Variants in KIZ observed in about 807,000 individuals in gnomAD.
KIZ encodes centrosomal protein kizuna.
KIZ carries 68 observed loss-of-function variants against 79.6 expected under a neutral mutation model. The ratio of observed to expected loss-of-function variants is 0.85; its 90% CI spans 0.70 to 1.05. The LOEUF (loss-of-function observed/expected upper bound fraction) is 1.05. Ranked by LOEUF, KIZ falls within the 50% of genes least tolerant of loss-of-function variation. KIZ has a pLI of 0.00. For missense variants in KIZ, 797 were observed against 800.4 expected (o/e 1.00, Z 0.05); for synonymous variants, 280 against 281.8 (o/e 0.99, Z 0.06).
At chr20:21,226,842 CGGT>C (rs2036671640) in intron 9 of KIZ, among the ~76,000 whole-genome samples, 2 of 152,250 alleles carry the variant, frequency 1.3e-5, no homozygotes, top group African/African-American at 4.8e-5. Flanking sequence ...AGGTGGGCCT[CGGT>C]GACTCTCCTT....
At chr20:21,182,840 A>G (rs2034715901) in intron 6 of KIZ, among the ~76,000 whole-genome samples, 1 of 149,734 alleles carries the variant, frequency 6.7e-6, no homozygotes, top group Admixed American at 6.7e-5. Flanking sequence ...TAAATATTTT[A>G]GACTTCTTTT....
chr20:21,136,599 G>GTTTTT, intron 3 of KIZ, 47 bp downstream of exon 3: 1 of 1,035,778 alleles, frequency 9.7e-7, no homozygotes, highest in Non-Finnish European at 1.3e-6. Context: ...GTTGTTGTGT[G>GTTTTT]TTTTTTTTTT....
intron 7 of KIZ, among the ~76,000 whole-genome samples, chr20:21,209,695 A>G (rs1157055650): frequency 6.6e-6 from 1 of 152,286 alleles, no homozygotes; most frequent in Non-Finnish European, 1.5e-5. Flanking sequence ...TCCAAGAGGA[A>G]TACTCTTGAA....
intron 11 of KIZ, among the ~76,000 whole-genome samples, chr20:21,239,714 G>A (rs960559139): frequency 6.6e-6 from 1 of 152,136 alleles, no homozygotes; most frequent in African/African-American, 2.4e-5. Flanking sequence ...AATTGTTACT[G>A]TTTTCCATAG....
intron 4 of KIZ, among the ~76,000 whole-genome samples, chr20:21,153,240 T>A (rs2033209107): frequency 6.6e-6 from 1 of 152,226 alleles, no homozygotes; most frequent in South Asian, 2.1e-4. Flanking sequence ...ATTACCATTG[T>A]TGTTCTCCAC....
chr20:21,192,021 T>A (rs1022418183), intron 6 of KIZ, among the ~76,000 whole-genome samples: 1 of 151,500 alleles, frequency 6.6e-6, no homozygotes, highest in Non-Finnish European at 1.5e-5. Flanking sequence ...CGGGGAGGGG[T>A]ACACTGGGAT....
chr20:21,238,480 C>G (rs904949401), intron 11 of KIZ, among the ~76,000 whole-genome samples: 22 of 152,096 alleles, frequency 1.4e-4, no homozygotes, highest in African/African-American at 5.1e-4. Flanking sequence ...CTCATGCATC[C>G]CCAGTTTCAG....
intron 4 of KIZ, among the ~76,000 whole-genome samples, chr20:21,158,974 A>C (rs1028927972): frequency 1.0e-5 from 1 of 96,448 alleles, no homozygotes; most frequent in Non-Finnish European, 2.6e-5. Flanking sequence ...ATACATATAT[A>C]TACACATATA....
chr20:21,163,045 T>G lies in KIZ; in HGVS notation c.1238T>G (p.Leu413Ter). The G allele has an allele frequency of 1.9e-6, 3 of 1,613,802 alleles. No homozygotes were observed. The highest frequency in any genetic ancestry group is 8.5e-7 in the Non-Finnish European group (1 of 1,179,712). ...EGEDGIEALKLIHAEQERVAL... is the reference protein window; with the variant it reads ...EGEDGIEALK ...GAAGATGGAATAGAGGCCTTAAAAT[T>G]AATCCATGCTGAGCAAGAAAGAGTT... Residue 413 changes from leucine to a stop codon, truncating the protein, a stop_gained, in exon 6 of 13, where the codon TTA becomes TGA. Coordinates refer to ENST00000619189, the MANE Select transcript of KIZ (RefSeq NM_018474.6). LOFTEE classifies it high-confidence loss of function.
At chr20:21,133,540 C>T (rs958807224) in intron 2 of KIZ, among the ~76,000 whole-genome samples, 2 of 152,216 alleles carry the variant, frequency 1.3e-5, no homozygotes, top group Non-Finnish European at 2.9e-5. Flanking sequence ...GGCACTTTTA[C>T]CAAGCCGTCA....
intron 9 of KIZ, among the ~76,000 whole-genome samples, chr20:21,224,418 C>G (rs1485259160): frequency 6.6e-6 from 1 of 152,194 alleles, no homozygotes; most frequent in Non-Finnish European, 1.5e-5. Flanking sequence ...GCAGTGTCAG[C>G]AACACACCTA....
chr20:21,239,679 C>T (rs1187749173), intron 11 of KIZ, among the ~76,000 whole-genome samples: 1 of 152,138 alleles, frequency 6.6e-6, no homozygotes, highest in Non-Finnish European at 1.5e-5. Flanking sequence ...GCCTTTTGTT[C>T]ATATAAAATG....
chr20:21,207,182 T>TG (rs2035860082), intron 7 of KIZ, among the ~76,000 whole-genome samples: 1 of 152,224 alleles, frequency 6.6e-6, no homozygotes, highest in Admixed American at 6.5e-5. Flanking sequence ...GCCTGTGTCT[T>TG]GAAGTCACAT....
rs1353241230 is a variant in KIZ at position 21,162,408 on chromosome 20, A to G, written c.943A>G (p.Arg315Gly). Reference sequence around the variant, plus strand: ...GGAACATATTGAAGTTGAGGAAAAAAGAGCCAGCCCGCCAGTCTCTCCGAT... The same window carrying G: ...GGAACATATTGAAGTTGAGGAAAAAGGAGCCAGCCCGCCAGTCTCTCCGAT... ...TREHIEVEEK[R>G]ASPPVSPIPV... Residue 315 changes from arginine to glycine, a missense_variant, in exon 5 of 13, where the codon AGA (arginine) becomes GGA (glycine). Coordinates refer to ENST00000619189, the MANE Select transcript of KIZ (RefSeq NM_018474.6). 6.2e-7 allele frequency: 1 copy of G among 1,613,604 alleles called. No individual in the cohort carries two copies. The highest frequency in any genetic ancestry group is 8.5e-7 in the Non-Finnish European group (1 of 1,179,682).
At chr20:21,216,304 T>C (rs551248315) in intron 9 of KIZ, among the ~76,000 whole-genome samples, 2 of 152,382 alleles carry the variant, frequency 1.3e-5, no homozygotes, top group South Asian at 2.1e-4. Flanking sequence ...AGTGGTGTAC[T>C]ACTTCATTAT....
chr20:21,209,541 A>T (rs2035977067), intron 7 of KIZ, among the ~76,000 whole-genome samples: 1 of 92,112 alleles, frequency 1.1e-5, no homozygotes, highest in African/African-American at 4.9e-5. Context: ...TATCTCCTGA[A>T]TACTCATTTG....
chr20:21,171,761 T>C (rs1467743818), intron 6 of KIZ, among the ~76,000 whole-genome samples: 1 of 152,198 alleles, frequency 6.6e-6, no homozygotes, highest in Non-Finnish European at 1.5e-5. Flanking sequence ...TATATGACTT[T>C]CGAGGTTGAG....
At chr20:21,234,386 A>G (rs964685311) in intron 11 of KIZ, among the ~76,000 whole-genome samples, 3 of 150,514 alleles carry the variant, frequency 2.0e-5, no homozygotes, top group African/African-American at 7.3e-5. Flanking sequence ...CCTTGAAGGA[A>G]CTCTTGGTTC....
rs1422040453 is a variant in KIZ at position 21,162,427 on chromosome 20, C to T, written c.962C>T (p.Ser321Phe). 1 of 1,613,172 alleles carries T rather than the reference C, an allele frequency of 6.2e-7. No individual in the cohort carries two copies. Among genetic ancestry groups the T allele is most frequent in the Non-Finnish European group, 8.5e-7 (1 of 1,179,266 alleles). The change falls in exon 5 of 13, where the codon TCT becomes TTT. Residue 321 changes from serine (S) to phenylalanine (F), a missense_variant. Coordinates refer to ENST00000619189, the MANE Select transcript of KIZ (RefSeq NM_018474.6). ...GAAAAAAGAGCCAGCCCGCCAGTCT[C>T]TCCGATACCAGTTTCAGAATACTGT... ...VEEKRASPPV[S>F]PIPVSEYCES...
Sources: allele counts gnomAD v4.1 joint callset (sites outside exome capture counted in the v4.1 genomes callset), GRCh38; gene constraint gnomAD v4.1.1; transcripts MANE v1.5; gene names NCBI Gene and HGNC (gene_info 2026-07-23, HGNC 2026-07-21).